The following LYPD6B variants were observed in gnomAD, a reference collection of about 807,000 sequenced individuals.
LYPD6B encodes LY6/PLAUR domain containing 6B.
LYPD6B carries 17 observed loss-of-function variants against 22.8 expected under a neutral mutation model. That is an observed-to-expected ratio of 0.75 (90% confidence interval 0.51 to 1.12). The LOEUF (loss-of-function observed/expected upper bound fraction) is 1.12, where lower values mean the gene tolerates loss of function less well. Ranked by LOEUF, LYPD6B falls within the 50% of genes most tolerant of loss-of-function variation. The pLI, the probability that LYPD6B is intolerant of heterozygous loss-of-function variation, is 0.00. For missense variants in LYPD6B, 221 were observed against 258.3 expected (o/e 0.86, Z 0.99); for synonymous variants, 106 against 91.6 (o/e 1.16, Z -0.90).
chr2:149,151,064 T>C (rs1185924999), intron 2 of LYPD6B, among the ~76,000 whole-genome samples: 1 of 152,214 alleles, frequency 6.6e-6, no homozygotes, highest in Non-Finnish European at 1.5e-5. Context: ...TTATTGTCTC[T>C]GAGGTCAATG....
At chr2:149,169,213 C>T (rs1690652803) in intron 3 of LYPD6B, among the ~76,000 whole-genome samples, 1 of 152,104 alleles carries the variant, frequency 6.6e-6, no homozygotes, top group Non-Finnish European at 1.5e-5. Flanking sequence ...TCTCACCTGT[C>T]CATCTTCAAC....
intron 1 of LYPD6B, among the ~76,000 whole-genome samples, chr2:149,048,089 G>T (rs61634395): frequency 3.2e-3 from 488 of 151,954 alleles, no homozygotes; most frequent in African/African-American, 0.011. Context: ...AAAATTCTTT[G>T]TCTGATAGCT....
At chr2:149,196,704 A>G (rs151038272) in intron 3 of LYPD6B, among the ~76,000 whole-genome samples, 7 of 152,366 alleles carry the variant, frequency 4.6e-5, no homozygotes, top group African/African-American at 1.4e-4. Flanking sequence ...TCAATAAAAT[A>G]TATGTATGTC....
chr2:149,183,841 A>ATG (rs1182027665), intron 3 of LYPD6B, among the ~76,000 whole-genome samples: 2 of 143,690 alleles, frequency 1.4e-5, no homozygotes, highest in Non-Finnish European at 3.1e-5. Flanking sequence ...ATATATGTGT[A>ATG]TGTGTATGTG....
intron 1 of LYPD6B, among the ~76,000 whole-genome samples, chr2:149,099,274 G>A (rs1390726754): frequency 1.3e-5 from 2 of 152,194 alleles, no homozygotes; most frequent in Non-Finnish European, 2.9e-5. Flanking sequence ...TTATAATTCA[G>A]ATTTTACTGA....
At chr2:149,081,340 G>A (rs1353232445) in intron 1 of LYPD6B, among the ~76,000 whole-genome samples, 2 of 152,088 alleles carry the variant, frequency 1.3e-5, no homozygotes, top group Non-Finnish European at 2.9e-5. Flanking sequence ...GATGATTTTA[G>A]GTAATACCAC....
chr2:149,206,725 C>G (rs927591950), intron 4 of LYPD6B, among the ~76,000 whole-genome samples: 2 of 152,008 alleles, frequency 1.3e-5, no homozygotes, highest in Non-Finnish European at 2.9e-5. Flanking sequence ...TGGAATATTT[C>G]CTTCCAGTAT....
In LYPD6B at chr2:149,120,294, T is replaced by TAC. The variant is rs1337682659; in HGVS notation, c.-66-10585_-66-10584dup. Among the ~76,000 whole-genome samples the TAC allele has an allele frequency of 5.0e-4, 60 of 118,880 alleles. No individual in the cohort carries two copies. In the East Asian group the frequency reaches 5.3e-3, roughly 11 times the overall value. 78.0% of individuals were successfully genotyped at this position (118,880 alleles called of 152,430 possible). On this transcript the variant is annotated intron_variant, in intron 1 of 6. Coordinates refer to ENST00000409642, the MANE Select transcript of LYPD6B (RefSeq NM_177964.5). ...TAACTTTTAGGGACATGCATGTATA[T>TAC]ACACATATATATATATGTGTATATA...
At chr2:149,195,632 A>G (rs1350527296) in intron 3 of LYPD6B, among the ~76,000 whole-genome samples, 1 of 151,914 alleles carries the variant, frequency 6.6e-6, no homozygotes, top group Non-Finnish European at 1.5e-5. Context: ...ATAATCATAG[A>G]ATTTGAGAGC....
intron 1 of LYPD6B, among the ~76,000 whole-genome samples, chr2:149,129,382 T>C (rs1022180276): frequency 4.6e-5 from 7 of 152,292 alleles, no homozygotes; most frequent in Admixed American, 3.3e-4. Context: ...CTAAAACACT[T>C]TGGACAAATG....
At chr2:149,126,241 A>G (rs990175398) in intron 1 of LYPD6B, among the ~76,000 whole-genome samples, 4 of 152,074 alleles carry the variant, frequency 2.6e-5, no homozygotes, top group Non-Finnish European at 2.9e-5. Flanking sequence ...GTGTCTCTAG[A>G]TGTGGAATAT....
intron 1 of LYPD6B, among the ~76,000 whole-genome samples, chr2:149,122,479 G>C (rs2377507): frequency 6.6e-6 from 1 of 150,622 alleles, no homozygotes; most frequent in Admixed American, 6.6e-5. Context: ...TGCAGGTTTG[G>C]TACATATGTA....
At chr2:149,088,521 T>G (rs1055363681) in intron 1 of LYPD6B, among the ~76,000 whole-genome samples, 10 of 152,328 alleles carry the variant, frequency 6.6e-5, no homozygotes, top group Admixed American at 2.0e-4. Flanking sequence ...TGGAAAGTGC[T>G]GCTCTCCAGG....
chr2:149,106,603 G>A (rs1686483710), intron 1 of LYPD6B, among the ~76,000 whole-genome samples: 1 of 152,084 alleles, frequency 6.6e-6, no homozygotes, highest in Admixed American at 6.6e-5. Context: ...TCTAATATCT[G>A]TAGAATATGT....
intron 1 of LYPD6B, 58 bp from the exon 2 acceptor site, chr2:149,130,825 T>C: frequency 3.9e-6 from 3 of 770,732 alleles, no homozygotes; most frequent in Non-Finnish European, 6.8e-6. Context: ...AAAATCCCTT[T>C]ATCCCAAATG....
intron 1 of LYPD6B, among the ~76,000 whole-genome samples, chr2:149,047,249 T>G (rs1683350706): frequency 1.4e-5 from 2 of 146,476 alleles, no homozygotes; most frequent in East Asian, 4.1e-4. Context: ...CAATGAATTC[T>G]AAGTTTTTGT....
rs977693662 is a variant in LYPD6B, at chr2:149,100,447, G to A, written c.-66-30436G>A. Among the ~76,000 whole-genome samples the A allele has an allele frequency of 3.0e-5, 4 of 133,404 alleles. No individual in the cohort carries two copies. In the Admixed American group the frequency reaches 3.2e-4, roughly 11 times the overall value. The allele number at this position is 133,404 out of a possible 152,430, so 87.5% of individuals were successfully genotyped here. On this transcript the variant is annotated intron_variant, in intron 1 of 6. Transcript: ENST00000409642. Reference sequence around the variant, plus strand: ...AAAAAAAAAAAAAAAAAAAAGCCCGGGCTGGAGTCAGAAGGGTCCATTTGT... The same window carrying A: ...AAAAAAAAAAAAAAAAAAAAGCCCGAGCTGGAGTCAGAAGGGTCCATTTGT...
chr2:149,067,760 A>G (rs1298553543), intron 1 of LYPD6B, among the ~76,000 whole-genome samples: 1 of 152,052 alleles, frequency 6.6e-6, no homozygotes, highest in Non-Finnish European at 1.5e-5. Context: ...TTAATGTCTC[A>G]AATAGTTATT....
intron 2 of LYPD6B, among the ~76,000 whole-genome samples, chr2:149,134,279 C>A (rs1688219382): frequency 6.6e-6 from 1 of 152,184 alleles, no homozygotes; most frequent in Non-Finnish European, 1.5e-5. Context: ...GTTGGCTATT[C>A]TCATTTTAAC....
Sources: allele counts gnomAD v4.1 joint callset (sites outside exome capture counted in the v4.1 genomes callset), GRCh38; gene constraint gnomAD v4.1.1; transcripts MANE v1.5; gene names NCBI Gene and HGNC (gene_info 2026-07-23, HGNC 2026-07-21).